YJU2B: variants seen among roughly 807,000 people sequenced by gnomAD.
The protein encoded by YJU2B is YJU2 splicing factor homolog B, also known as probable splicing factor YJU2B.
YJU2B carries 18 observed loss-of-function variants against 38.0 expected under a neutral mutation model. The observed-to-expected ratio is 0.47, with a 90% CI of 0.33 to 0.70. The LOEUF (loss-of-function observed/expected upper bound fraction) is 0.70, where lower values mean the gene tolerates loss of function less well. Among genes scored for constraint, YJU2B ranks in the 30% least tolerant of loss-of-function variants. The probability of loss-of-function intolerance (pLI) is 0.02; values close to 1 mark genes in which losing one functional copy is unlikely to be tolerated. For synonymous variants in YJU2B, 246 were observed against 225.4 expected, an observed-to-expected ratio of 1.09 and a Z score of -0.82; for missense variants, 538 against 556.3, an observed-to-expected ratio of 0.97 and a Z score of 0.33.
intron 8 of YJU2B, among the ~76,000 whole-genome samples, chr19:13,759,788 G>T (rs10404910): frequency 0.03 from 4,175 of 137,482 alleles, 195 homozygotes; most frequent in African/African-American, 0.11. Flanking sequence ...CCACCACCAC[G>T]CCTGGCTAAT....
At chr19:13,745,727 C>CTATAGATCTATA (rs1568281112), upstream of YJU2B, among the ~76,000 whole-genome samples, 8 of 84,196 alleles carry the variant, frequency 9.5e-5, no homozygotes, top group African/African-American at 3.7e-4. Flanking sequence ...CTATAGATAT[C>CTATAGATCTATA]TATATATATA....
chr19:13,751,484 A>G (rs1337107063), intron 1 of YJU2B, 124 bp from the exon 2 acceptor site: 6 of 341,058 alleles, frequency 1.8e-5, no homozygotes, highest in African/African-American at 1.3e-4. Flanking sequence ...GAGAGAGAAG[A>G]CCGTGCTGGC....
At chr19:13,750,257 T>C (rs931916249) in intron 1 of YJU2B, among the ~76,000 whole-genome samples, 2 of 152,174 alleles carry the variant, frequency 1.3e-5, no homozygotes, top group African/African-American at 4.8e-5. Context: ...AGACGGAGTC[T>C]CACTTTGTAG....
At chr19:13,745,492 G>A (rs1486437105), upstream of YJU2B, among the ~76,000 whole-genome samples, 5 of 151,516 alleles carry the variant, frequency 3.3e-5, no homozygotes, top group African/African-American at 7.3e-5. Flanking sequence ...GAGAAACCCC[G>A]TCTCTACTAA....
In YJU2B at chr19:13,738,583, A is replaced by G. The variant is rs554269366; in HGVS notation, c.-202+6298A>G. On this transcript the variant is annotated intron_variant, in intron 2 of 10. Coordinates refer to the YJU2B transcript ENST00000586600. ...AAACCAGCCTGGCCAACACGGTGAA[A>G]CCCCGTCTCTATTAAAAATACAAAA... Among the ~76,000 whole-genome samples the G allele has an allele frequency of 5.9e-5, 9 of 151,844 alleles. No homozygotes were observed. The East Asian group carries it at 1.7e-3, about 29-fold the overall frequency.
intron 9 of YJU2B, 66 bp from the exon 10 acceptor site, chr19:13,762,524 T>C: frequency 6.4e-7 from 1 of 1,563,616 alleles, no homozygotes; most frequent in South Asian, 1.2e-5. Context: ...TGGACTCTGG[T>C]CTACCAGAGG....
chr19:13,731,902 G>A (rs527998008), exon 1 of YJU2B: 2 of 152,380 alleles, frequency 1.3e-5, no homozygotes, highest in Admixed American at 1.3e-4. Flanking sequence ...GCCCTTGGGA[G>A]GGCTCTGGAG....
intron 2 of YJU2B, among the ~76,000 whole-genome samples, chr19:13,739,859 C>T (rs1301598374): frequency 6.6e-6 from 1 of 152,128 alleles, no homozygotes; most frequent in African/African-American, 2.4e-5. Flanking sequence ...TTAAGCCCCA[C>T]ATGCATTACG....
chr19:13,747,870 G>A (rs1321115758), upstream of YJU2B: 1 of 152,332 alleles, frequency 6.6e-6, no homozygotes, highest in Non-Finnish European at 1.5e-5. Context: ...GGCGTCCTGG[G>A]GGCGCGGAGA....
chr19:13,748,356 A>G (rs963485928), intron 1 of YJU2B, among the ~76,000 whole-genome samples: 1 of 152,100 alleles, frequency 6.6e-6, no homozygotes, highest in African/African-American at 2.4e-5. Flanking sequence ...TTAACCAGCC[A>G]TTTTTACACA....
At chr19:13,748,701 A>G (rs1378202939) in intron 1 of YJU2B, among the ~76,000 whole-genome samples, 1 of 152,192 alleles carries the variant, frequency 6.6e-6, no homozygotes, top group South Asian at 2.1e-4. Context: ...CGGTGACGAA[A>G]TACAAGCCCA....
At position 13,763,211 on chromosome 19, in the gene YJU2B, A is replaced by G; in HGVS notation, c.*143A>G. On this transcript the variant is annotated 3_prime_UTR_variant, in exon 10 of 10. Transcript: ENST00000221554. ...TCCTCCCCAGACCGCGCCTTCCTGC[A>G]ACCGTGGAGTTATTTATTTGGTCCT... The G allele has an allele frequency of 1.6e-6, 1 of 616,862 alleles. No individual in the cohort carries two copies. Among genetic ancestry groups the G allele is most frequent in the South Asian group, 2.2e-5 (1 of 45,168 alleles). The allele number at this position is 616,862 out of a possible 1,614,324, so 38.2% of individuals were successfully genotyped here. A position where few individuals can be genotyped will look rare whatever the true frequency, so the allele number is the denominator to read the frequency against.
intron 3 of YJU2B, among the ~76,000 whole-genome samples, chr19:13,755,498 TC>T (rs1180659017): frequency 6.6e-6 from 1 of 150,664 alleles, no homozygotes; most frequent in African/African-American, 2.4e-5. Flanking sequence ...GCACATGAAG[TC>T]CCCAGCGAAT....
At position 13,734,032 on chromosome 19, in the gene YJU2B, A is replaced by G. The variant is rs145645941; in HGVS notation, c.-202+1747A>G. On this transcript the variant is annotated intron_variant, in intron 2 of 10. Coordinates refer to the YJU2B transcript ENST00000586600. ...AGCCTCCAACTCCTGAGCTCAAGGG[A>G]TCCTCCCACTTCAGCCTCCCTAGTA... Among the ~76,000 whole-genome samples, 604 of 152,094 alleles carry G rather than the reference A, an allele frequency of 4.0e-3. 3 individuals carry two copies. Among genetic ancestry groups the G allele is most frequent in the African/African-American group, 0.014 (586 of 41,484 alleles).
In YJU2B at chr19:13,751,651, G is replaced by T. The variant is rs1336625073; in HGVS notation, c.-158G>T. 2.8e-5 allele frequency: 20 copies of T among 711,746 alleles called. No individual in the cohort carries two copies. Among genetic ancestry groups the T allele is most frequent in the Admixed American group, 2.5e-4 (10 of 40,578 alleles). 44.1% of individuals were successfully genotyped at this position (711,746 alleles called of 1,614,324 possible). ...GCCTCCTATGCCTGGCGGGAGTCTT[G>T]TCTGAGCTGGCACCACCACACGGCC... On this transcript the variant is annotated 5_prime_UTR_variant, in exon 2 of 10. Transcript: ENST00000221554.
intron 2 of YJU2B, among the ~76,000 whole-genome samples, chr19:13,734,317 A>G (rs1255156555): frequency 1.3e-5 from 2 of 150,276 alleles, no homozygotes; most frequent in Non-Finnish European, 3.0e-5. Context: ...TTTGAGATGG[A>G]GTCTCGTTCT....
intron 2 of YJU2B, 125 bp from the exon 3 acceptor site, chr19:13,754,164 T>G: frequency 1.4e-6 from 1 of 719,300 alleles, no homozygotes; most frequent in Non-Finnish European, 2.5e-6. Flanking sequence ...AGAGCAAGAC[T>G]CCATCTCTAA....
At chr19:13,750,665 G>T (rs1973423831) in intron 1 of YJU2B, among the ~76,000 whole-genome samples, 1 of 151,794 alleles carries the variant, frequency 6.6e-6, no homozygotes, top group African/African-American at 2.4e-5. Flanking sequence ...TTCCAGACTG[G>T]CCTGGTCAAC....
chr19:13,761,760 T>C (rs1178149055), intron 8 of YJU2B, among the ~76,000 whole-genome samples: 1 of 119,898 alleles, frequency 8.3e-6, no homozygotes, highest in African/African-American at 4.0e-5. Context: ...CTCCCCCCTT[T>C]CGCCCTGGCT....
Sources: allele counts gnomAD v4.1 joint callset (sites outside exome capture counted in the v4.1 genomes callset), GRCh38; gene constraint gnomAD v4.1.1; transcripts MANE v1.5; gene names NCBI Gene and HGNC (gene_info 2026-07-23, HGNC 2026-07-21).